Variants in NFIX observed in about 807,000 individuals in gnomAD.
NFIX encodes the protein nuclear factor I X.
NFIX carries 2 observed loss-of-function variants against 53.3 expected under a neutral mutation model. The observed-to-expected ratio is 0.04, with a 90% CI of 0.02 to 0.12. The LOEUF (loss-of-function observed/expected upper bound fraction) is 0.12. Among genes scored for constraint, NFIX ranks in the 10% least tolerant of loss-of-function variants. The pLI is 1.00. For synonymous variants in NFIX, 244 were observed against 289.0 expected, an observed-to-expected ratio of 0.84 and a Z score of 1.58; for missense variants, 310 against 674.5, an observed-to-expected ratio of 0.46 and a Z score of 5.99.
chr19:13,082,428 A>G (rs1599863547), intron 8 of NFIX: 1 of 152,586 alleles, frequency 6.6e-6, no homozygotes, highest in African/African-American at 2.4e-5. Context: ...GGAGGGGAAG[A>G]CCATCCCTAG....
At chr19:13,024,537 G>T in intron 1 of NFIX, 1 of 1,527,046 alleles carries the variant, frequency 6.5e-7, no homozygotes, top group Non-Finnish European at 8.8e-7. Flanking sequence ...GGGACCAGAG[G>T]CGGCCCCGCA....
rs111255191 is a variant in NFIX at position 13,037,719 on chromosome 19, C to T, written c.559+12167C>T. On this transcript the variant is annotated intron_variant, in intron 2 of 10. Coordinates refer to ENST00000592199, the MANE Select transcript of NFIX (RefSeq NM_001365902.3). This position sits in a 1 kb window ranked among gnomAD's most constrained non-coding sequence, Gnocchi z 4.2. ...TCTCCAGCAAACTGGGATTGTTGGT[C>T]ACCCTAGAACAGTGATTTTCAACCA... 3.9e-3 allele frequency among the ~76,000 whole-genome samples: 600 copies of T among 152,244 alleles called. 4 individuals carry two copies. The highest frequency in any genetic ancestry group is 0.014 in the African/African-American group (570 of 41,534).
intron 2 of NFIX, among the ~76,000 whole-genome samples, chr19:13,041,390 A>T (rs1317096389): frequency 6.6e-6 from 1 of 152,258 alleles, no homozygotes; most frequent in Non-Finnish European, 1.5e-5. Context: ...TTATACAATT[A>T]TGCCACTGAA....
intron 1 of NFIX, among the ~76,000 whole-genome samples, chr19:12,997,348 T>C (rs1448541105): frequency 6.6e-6 from 1 of 152,228 alleles, no homozygotes; most frequent in Non-Finnish European, 1.5e-5. Flanking sequence ...CTGCGTGGCA[T>C]GGCCGTGTGT....
At position 13,096,981 on chromosome 19, in the gene NFIX, G is replaced by A. The variant is rs1044866533; in HGVS notation, c.*2332G>A. ...AAAAAAAACAAAAATATATATGGGG[G>A]AAATTAACTTTTTTTTTTCATTGAA... On this transcript the variant is annotated 3_prime_UTR_variant, in exon 11 of 11. Coordinates refer to ENST00000592199, the MANE Select transcript of NFIX (RefSeq NM_001365902.3). 1.3e-5 allele frequency: 2 copies of A among 150,902 alleles called. No homozygotes were observed. Among genetic ancestry groups the A allele is most frequent in the African/African-American group, 4.9e-5 (2 of 41,214 alleles). The allele number at this position is 150,902 out of a possible 1,614,324, so 9.3% of individuals were successfully genotyped here. A position where few individuals can be genotyped will look rare whatever the true frequency, so the allele number is the denominator to read the frequency against.
chr19:13,087,994 C>T lies in NFIX; in HGVS notation c.1260C>T (p.Asn420=). 2.6e-6 allele frequency: 4 copies of T among 1,536,056 alleles called. No individual in the cohort carries two copies. The highest frequency in any genetic ancestry group is 3.5e-6 in the Non-Finnish European group (4 of 1,146,890). The change falls in exon 9 of 11, where the codon AAC becomes AAT. Residue 420 remains asparagine, a synonymous_variant. Coordinates refer to ENST00000592199, the MANE Select transcript of NFIX (RefSeq NM_001365902.3). ...DGSGQATGQP[N]GSGQGKVPGS... ...TCTATTTATGTTGTTCGCAGCCCAA[C>T]GGTAGCGGCCAGGGCAAAGTCCCGG...
chr19:13,093,433 C>T lies in NFIX; in HGVS notation c.1495-1202C>T, dbSNP rs2018258207. Among the ~76,000 whole-genome samples the T allele has an allele frequency of 6.6e-6, 1 of 152,130 alleles. No homozygotes were observed. Among genetic ancestry groups the T allele is most frequent in the African/African-American group, 2.4e-5 (1 of 41,418 alleles). ...GTTGGCAGATGAGCTGCCCTGGGCC[C>T]TCACCCTGACCCTAGGCAGGGCACA... On this transcript the variant is annotated intron_variant, in intron 10 of 10. Coordinates refer to ENST00000592199, the MANE Select transcript of NFIX (RefSeq NM_001365902.3). The surrounding 1 kb of genome is among the most constrained non-coding windows in gnomAD (Gnocchi z 4.7).
In NFIX at chr19:13,055,654, G is replaced by A. The variant is rs564154501; in HGVS notation, c.560-17393G>A. The stretch of plus-strand genomic sequence containing the variant: ...GGAGGGGGGGGTCTGCCTCCTGAGA[G>A]CCCATCTGCTCGCCCCGGGCCTAGC... On this transcript the variant is annotated intron_variant, in intron 2 of 10. Coordinates refer to ENST00000592199, the MANE Select transcript of NFIX (RefSeq NM_001365902.3). Among the ~76,000 whole-genome samples, 233 of 152,274 alleles carry A rather than the reference G, an allele frequency of 1.5e-3. 1 individual carries two copies. Among genetic ancestry groups the A allele is most frequent in the African/African-American group, 5.4e-3 (226 of 41,568 alleles).
Position 13,004,069 on chromosome 19 carries a change from C to A in NFIX, c.27+8205C>A, listed in dbSNP as rs77368878. Among the ~76,000 whole-genome samples, 41 of 152,274 alleles carry A rather than the reference C, an allele frequency of 2.7e-4. No individual in the cohort carries two copies. The East Asian group carries it at 7.9e-3, about 29-fold the overall frequency. On this transcript the variant is annotated intron_variant, in intron 1 of 10. Coordinates refer to ENST00000592199, the MANE Select transcript of NFIX (RefSeq NM_001365902.3). ...GGAGCCATGAGCCACCATGCCCAACCTGGAATCATTTTTGGTTGTCACACT... is the reference window on the plus strand; with the variant it reads ...GGAGCCATGAGCCACCATGCCCAACATGGAATCATTTTTGGTTGTCACACT...
At chr19:13,041,972 G>A (rs562256102) in intron 2 of NFIX, among the ~76,000 whole-genome samples, 5 of 150,894 alleles carry the variant, frequency 3.3e-5, no homozygotes, top group East Asian at 2.0e-4. Context: ...ATCTCAGGTC[G>A]CTGCAAGTTC....
At chr19:13,079,219 GC>G (rs1224024796) in intron 7 of NFIX, among the ~76,000 whole-genome samples, 3 of 151,954 alleles carry the variant, frequency 2.0e-5, no homozygotes, top group African/African-American at 7.3e-5. Flanking sequence ...CCAGGCTCCT[GC>G]GGCAAGTAGC....
At chr19:13,039,272 C>T (rs1238089645) in intron 2 of NFIX, among the ~76,000 whole-genome samples, 1 of 150,602 alleles carries the variant, frequency 6.6e-6, no homozygotes, top group Non-Finnish European at 1.5e-5. Context: ...AGGGTCTGTT[C>T]AAGCCCTGCT....
rs528300842 is a variant in NFIX, at chr19:13,006,430, G to A, written c.27+10566G>A. 6.6e-5 allele frequency among the ~76,000 whole-genome samples: 10 copies of A among 152,258 alleles called. No homozygotes were observed. The East Asian group carries it at 9.7e-4, about 15-fold the overall frequency. On this transcript the variant is annotated intron_variant, in intron 1 of 10. Coordinates refer to ENST00000592199, the MANE Select transcript of NFIX (RefSeq NM_001365902.3). The surrounding 1 kb of genome is among the most constrained non-coding windows in gnomAD (Gnocchi z 5.6). ...ATCCATATTTGTGGATATGCCATAC[G>A]GTGCCCGCCCAAAATCTGGGGACAA... is the stretch of plus-strand genomic sequence containing the variant.
chr19:13,032,121 G>A (rs2013861041), intron 2 of NFIX, among the ~76,000 whole-genome samples: 1 of 152,186 alleles, frequency 6.6e-6, no homozygotes, highest in Non-Finnish European at 1.5e-5. Flanking sequence ...GTTTTCATTT[G>A]CCAGTGGAGG....
chr19:13,008,811 G>A (rs1455493175), intron 1 of NFIX, among the ~76,000 whole-genome samples: 1 of 152,168 alleles, frequency 6.6e-6, no homozygotes, highest in Non-Finnish European at 1.5e-5. Context: ...GACACAGTAG[G>A]TGAAGGAGAG....
rs1291944473 is a variant in NFIX, at chr19:13,037,388, G to A, written c.559+11836G>A. ...AGCCTTAGTAATCTAAGAAATATGT[G>A]AGCAATTTGATGCGGATCTCAGAGA... On this transcript the variant is annotated intron_variant, in intron 2 of 10. Coordinates refer to ENST00000592199, the MANE Select transcript of NFIX (RefSeq NM_001365902.3). This position sits in a 1 kb window ranked among gnomAD's most constrained non-coding sequence, Gnocchi z 4.2. 2.0e-5 allele frequency among the ~76,000 whole-genome samples: 3 copies of A among 152,200 alleles called. No homozygotes were observed. Among genetic ancestry groups the A allele is most frequent in the Non-Finnish European group, 4.4e-5 (3 of 68,038 alleles).
At chr19:13,062,288 A>G (rs1401487797) in intron 2 of NFIX, among the ~76,000 whole-genome samples, 1 of 152,100 alleles carries the variant, frequency 6.6e-6, no homozygotes, top group African/African-American at 2.4e-5. Flanking sequence ...AATTCACTGG[A>G]CATGAGTGTC....
In NFIX at chr19:13,085,018, C is replaced by G. The variant is rs535334724; in HGVS notation, c.1255-2971C>G. Among the ~76,000 whole-genome samples, 35 of 147,614 alleles carry G rather than the reference C, an allele frequency of 2.4e-4. 1 individual carries two copies. In the South Asian group the frequency reaches 3.2e-3, roughly 14 times the overall value. Reference sequence around the variant, plus strand: ...CCGGGAGGCGGAGGTTGCAGTGAGCCGAGATTGCGCCACTGCACTCCAGCC... The same window carrying G: ...CCGGGAGGCGGAGGTTGCAGTGAGCGGAGATTGCGCCACTGCACTCCAGCC... On this transcript the variant is annotated intron_variant, in intron 8 of 10. Transcript: ENST00000592199.
chr19:13,000,181 C>T (rs929211728), intron 1 of NFIX, among the ~76,000 whole-genome samples: 1 of 152,174 alleles, frequency 6.6e-6, no homozygotes, highest in African/African-American at 2.4e-5. Context: ...TCTAATCTTG[C>T]GACCTGAAGC....
Sources: gnomAD v4.1 joint callset for allele counts (sites outside exome capture counted in the v4.1 genomes callset) on GRCh38, gnomAD v4.1.1 for gene constraint, Gnocchi (gnomAD v3.1) non-coding constraint, MANE v1.5 for transcripts, NCBI Gene and HGNC (gene_info 2026-07-23, HGNC 2026-07-21) for gene names.